The following CFAP58 variants were observed in gnomAD, a reference collection of about 807,000 sequenced individuals.
The protein encoded by CFAP58 is cilia and flagella associated protein 58.
In CFAP58, 88 loss-of-function variants were observed where a neutral mutation model predicts 119.5. The observed-to-expected ratio is 0.74, with a 90% CI of 0.62 to 0.88. CFAP58 has a LOEUF of 0.88. Ranked by LOEUF, CFAP58 falls within the 40% of genes least tolerant of loss-of-function variation. The pLI, the probability that CFAP58 is intolerant of heterozygous loss-of-function variation, is 0.00. For missense variants in CFAP58, 990 were observed against 1,021.2 expected (o/e 0.97, Z 0.42); for synonymous variants, 365 against 366.3 (o/e 1.00, Z 0.04).
chr10:104,371,956 C>T (rs370027487), intron 7 of CFAP58, among the ~76,000 whole-genome samples: 6 of 151,996 alleles, frequency 3.9e-5, no homozygotes, highest in Non-Finnish European at 5.9e-5. Context: ...AGACAACATA[C>T]GTAAAAGCAC....
intron 7 of CFAP58, among the ~76,000 whole-genome samples, chr10:104,375,303 A>G (rs990304630): frequency 6.6e-6 from 1 of 151,764 alleles, no homozygotes; most frequent in East Asian, 1.9e-4. Flanking sequence ...TAAGCTGGGA[A>G]AGAGACATAT....
chr10:104,393,604 A>G, intron 11 of CFAP58, 129 bp downstream of exon 11: 2 of 829,804 alleles, frequency 2.4e-6, no homozygotes, highest in Non-Finnish European at 3.7e-6. Flanking sequence ...GTTGCTAGTT[A>G]CCCAAACCAA....
At chr10:104,440,823 C>T (rs2133090761) in intron 15 of CFAP58, among the ~76,000 whole-genome samples, 1 of 152,292 alleles carries the variant, frequency 6.6e-6, no homozygotes, top group Admixed American at 6.5e-5. Flanking sequence ...CACCAAGATG[C>T]ATCTGAAATA....
intron 8 of CFAP58, among the ~76,000 whole-genome samples, chr10:104,378,983 A>G (rs2011725971): frequency 1.3e-5 from 2 of 152,082 alleles, no homozygotes; most frequent in South Asian, 4.1e-4. Context: ...TCGGAGTTGG[A>G]ACATGAGCAT....
chr10:104,400,679 G>C lies in CFAP58; in HGVS notation c.1816-1G>C. ...GACTATGCCCCTCCCTACCTTCCTA[G>C]GTCATCAGTGAGAGAGATATCCTGG... On this transcript the variant is annotated splice_acceptor_variant, in intron 12 of 17. Transcript: ENST00000369704. LOFTEE classifies it high-confidence loss of function. 1.9e-6 allele frequency: 3 copies of C among 1,613,246 alleles called. No homozygotes were observed. Among genetic ancestry groups the C allele is most frequent in the South Asian group, 1.1e-5 (1 of 91,044 alleles).
chr10:104,416,535 G>A lies in CFAP58; in HGVS notation c.2256+9742G>A, dbSNP rs144929395. ...GCTTGAATGATAGGAGGGTTTGAAT[G>A]GATCTGCACGAGTTATTAGCTGTGC... On this transcript the variant is annotated intron_variant, in intron 15 of 17. Transcript: ENST00000369704. Among the ~76,000 whole-genome samples the A allele has an allele frequency of 2.2e-3, 331 of 152,268 alleles. 1 individual carries two copies. Among genetic ancestry groups the A allele is most frequent in the African/African-American group, 7.8e-3 (323 of 41,544 alleles).
rs57210958 is a variant in CFAP58, at chr10:104,396,369, T to TGAGAGAGAGAGAGAGAGAGAGAGA, written c.1674+2941_1675-2921dup. On this transcript the variant is annotated intron_variant, in intron 11 of 17. Transcript: ENST00000369704. ...GCCATGGATAGGGAGCTGTTATCCA[T>TGAGAGAGAGAGAGAGAGAGAGAGA]GAGAGAGAGAGAGAGAGAGAGAGAG... Among the ~76,000 whole-genome samples, 43 of 86,886 alleles carry TGAGAGAGAGAGAGAGAGAGAGAGA rather than the reference T, an allele frequency of 4.9e-4. 3 individuals carry two copies. Among genetic ancestry groups the TGAGAGAGAGAGAGAGAGAGAGAGA allele is most frequent in the Admixed American group, 1.0e-3 (7 of 6,692 alleles). 57.0% of individuals were successfully genotyped at this position (86,886 alleles called of 152,430 possible).
chr10:104,348,430 A>G, the CFAP58 span, among the ~76,000 whole-genome samples: 3,902 of 152,314 alleles, frequency 0.026, 75 homozygotes, highest in South Asian at 0.075. Context: ...GAGAAGTTCT[A>G]AGAGGCGATT....
intron 15 of CFAP58, among the ~76,000 whole-genome samples, chr10:104,445,065 G>A (rs2070358100): frequency 6.6e-6 from 1 of 152,276 alleles, no homozygotes; most frequent in South Asian, 2.1e-4. Flanking sequence ...GCTCAGGCCT[G>A]TAATCACAGC....
the CFAP58 span, among the ~76,000 whole-genome samples, chr10:104,342,844 C>CAAAAAA: frequency 7.6e-4 from 37 of 48,496 alleles, no homozygotes; most frequent in South Asian, 1.0e-3. Context: ...GACCCTGTAT[C>CAAAAAA]AAAAAAAAAA....
chr10:104,448,291 T>A (rs2013141409), intron 16 of CFAP58, among the ~76,000 whole-genome samples: 1 of 152,246 alleles, frequency 6.6e-6, no homozygotes, highest in Non-Finnish European at 1.5e-5. Flanking sequence ...CCTTGCTTCC[T>A]GACCAGCTGT....
intron 3 of CFAP58, among the ~76,000 whole-genome samples, chr10:104,363,576 C>T (rs999380079): frequency 2.6e-5 from 4 of 152,108 alleles, no homozygotes; most frequent in South Asian, 2.1e-4. Flanking sequence ...GATTCAGATA[C>T]GAGACAAGCA....
intron 15 of CFAP58, among the ~76,000 whole-genome samples, chr10:104,425,088 C>T (rs539384062): frequency 1.3e-5 from 2 of 152,282 alleles, no homozygotes; most frequent in East Asian, 3.9e-4. Flanking sequence ...TTGCTGTGCT[C>T]ATCAGATGAG....
chr10:104,343,368 C>T, the CFAP58 span, among the ~76,000 whole-genome samples: 9 of 152,300 alleles, frequency 5.9e-5, no homozygotes, highest in African/African-American at 1.9e-4. Context: ...GTCACATACT[C>T]AAGGTCACAT....
intron 5 of CFAP58, among the ~76,000 whole-genome samples, chr10:104,366,358 C>T (rs1030268493): frequency 6.6e-6 from 1 of 152,174 alleles, no homozygotes; most frequent in Admixed American, 6.5e-5. Context: ...AGAAACAGAA[C>T]ATTACCAGCA....
intron 17 of CFAP58, 36 bp from the exon 18 acceptor site, chr10:104,454,386 T>C: frequency 6.7e-7 from 1 of 1,497,530 alleles, no homozygotes; most frequent in Non-Finnish European, 9.3e-7. Flanking sequence ...ACAAAAAGGA[T>C]GTTAAGGAAG....
intron 15 of CFAP58, among the ~76,000 whole-genome samples, chr10:104,447,398 T>A (rs1420276102): frequency 6.6e-6 from 1 of 152,154 alleles, no homozygotes; most frequent in East Asian, 1.9e-4. Flanking sequence ...TCCCTCCTTT[T>A]CTTGGCAAGA....
At chr10:104,357,694 ATGCATATATATTC>A (rs959802787) in intron 1 of CFAP58, among the ~76,000 whole-genome samples, 3 of 151,982 alleles carry the variant, frequency 2.0e-5, no homozygotes, top group African/African-American at 7.2e-5. Flanking sequence ...TTTTATCCTA[ATGCATATATATTC>A]TGCATATATA....
intron 14 of CFAP58, among the ~76,000 whole-genome samples, chr10:104,404,473 G>T (rs553355038): frequency 6.6e-6 from 1 of 152,280 alleles, no homozygotes; most frequent in Non-Finnish European, 1.5e-5. Flanking sequence ...CATCTCTTTA[G>T]TTGTAACTAG....
Sources: gnomAD v4.1 joint callset for allele counts (sites outside exome capture counted in the v4.1 genomes callset) on GRCh38, gnomAD v4.1.1 for gene constraint, MANE v1.5 for transcripts, NCBI Gene and HGNC (gene_info 2026-07-23, HGNC 2026-07-21) for gene names.